The following DTD1 variants were observed in gnomAD, a reference collection of about 807,000 sequenced individuals.
The protein encoded by DTD1 is D-tyrosyl-tRNA deacylase 1 homolog.
In DTD1, 13 loss-of-function variants were observed where a neutral mutation model predicts 25.6. That is an observed-to-expected ratio of 0.51 (90% CI 0.33 to 0.81). The LOEUF (loss-of-function observed/expected upper bound fraction) is 0.81. DTD1 is among the 30% of genes least tolerant of loss of function. DTD1 has a pLI of 0.02. For missense variants in DTD1, 193 were observed against 266.4 expected, an observed-to-expected ratio of 0.72 and a Z score of 1.92; for synonymous variants, 110 against 103.6, an observed-to-expected ratio of 1.06 and a Z score of -0.37.
intron 4 of DTD1, among the ~76,000 whole-genome samples, chr20:18,702,285 T>C (rs1355201987): frequency 6.6e-6 from 1 of 152,168 alleles, no homozygotes; most frequent in Non-Finnish European, 1.5e-5. Flanking sequence ...CCCCCTTCCC[T>C]CCATCTCTGT....
At chr20:18,712,189 G>C (rs2061161911) in intron 4 of DTD1, among the ~76,000 whole-genome samples, 3 of 152,124 alleles carry the variant, frequency 2.0e-5, no homozygotes, top group Non-Finnish European at 2.9e-5. Context: ...TGTTACCAGT[G>C]TTTCATCTTT....
At chr20:18,698,923 C>G (rs1405794576) in intron 4 of DTD1, among the ~76,000 whole-genome samples, 1 of 152,172 alleles carries the variant, frequency 6.6e-6, no homozygotes, top group Non-Finnish European at 1.5e-5. Context: ...TACCTCATCT[C>G]CTCTTGGTTA....
intron 5 of DTD1, among the ~76,000 whole-genome samples, chr20:18,758,416 T>A (rs1242917745): frequency 6.6e-6 from 1 of 152,234 alleles, no homozygotes; most frequent in Non-Finnish European, 1.5e-5. Flanking sequence ...TTTAGTGGTA[T>A]AAATTTCCCT....
intron 3 of DTD1, among the ~76,000 whole-genome samples, chr20:18,612,697 C>T (rs753599539): frequency 3.3e-5 from 5 of 151,840 alleles, no homozygotes; most frequent in African/African-American, 9.7e-5. Context: ...CTCACTCTGT[C>T]GCCCAGGCTG....
intron 4 of DTD1, among the ~76,000 whole-genome samples, chr20:18,675,784 ATG>A (rs377418388): frequency 0.018 from 1,759 of 99,062 alleles, 10 homozygotes; most frequent in Non-Finnish European, 0.025. Context: ...ACACATATAT[ATG>A]TGTAAATATA....
At chr20:18,632,914 G>A (rs1000885680) in intron 4 of DTD1, among the ~76,000 whole-genome samples, 17 of 152,100 alleles carry the variant, frequency 1.1e-4, no homozygotes, top group African/African-American at 3.6e-4. Context: ...ATGTATGTAA[G>A]CACCAAGTGT....
intron 3 of DTD1, among the ~76,000 whole-genome samples, chr20:18,606,399 A>G (rs1446657239): frequency 2.2e-5 from 3 of 137,396 alleles, no homozygotes; most frequent in African/African-American, 5.5e-5. Flanking sequence ...AACTAGAAAT[A>G]CCATTTGACC....
intron 4 of DTD1, among the ~76,000 whole-genome samples, chr20:18,689,554 G>C (rs1600370310): frequency 1.3e-5 from 2 of 152,240 alleles, no homozygotes; most frequent in South Asian, 4.1e-4. Flanking sequence ...AGGTTTATTT[G>C]GACAGTGGCA....
intron 1 of DTD1, among the ~76,000 whole-genome samples, chr20:18,589,465 C>G (rs1308039946): frequency 6.6e-6 from 1 of 152,136 alleles, no homozygotes; most frequent in Non-Finnish European, 1.5e-5. Context: ...ATCTAAGAGT[C>G]TATTTTTCAA....
rs2061372063 is a variant in DTD1, at chr20:18,763,799, C to A, written c.*459C>A. 6.6e-6 allele frequency: 1 copy of A among 152,158 alleles called. No homozygotes were observed. The highest frequency in any genetic ancestry group is 1.5e-5 in the Non-Finnish European group (1 of 68,016). 9.4% of individuals were successfully genotyped at this position (152,158 alleles called of 1,614,324 possible). A position where few individuals can be genotyped will look rare whatever the true frequency, so the allele number is the denominator to read the frequency against. On this transcript the variant is annotated 3_prime_UTR_variant, in exon 6 of 6. Transcript: ENST00000377452. ...GGCCCGTGTTGAAGTGTCAAGAGAG[C>A]AATCATCAATGATAATGTATTGTGT...
At chr20:18,672,888 G>A (rs965279996) in intron 4 of DTD1, among the ~76,000 whole-genome samples, 1 of 152,182 alleles carries the variant, frequency 6.6e-6, no homozygotes, top group African/African-American at 2.4e-5. Context: ...GACAGGTGCT[G>A]TTCAGTTCAT....
intron 4 of DTD1, among the ~76,000 whole-genome samples, chr20:18,737,565 G>A (rs1447375824): frequency 3.3e-5 from 5 of 152,198 alleles, no homozygotes; most frequent in Admixed American, 3.3e-4. Context: ...GCCCGGGTCA[G>A]ACTCTGCTCC....
intron 4 of DTD1, among the ~76,000 whole-genome samples, chr20:18,666,100 A>G (rs2060930454): frequency 6.6e-6 from 1 of 152,160 alleles, no homozygotes. Flanking sequence ...GTTGTCAGTG[A>G]CAGTTTCTCA....
At chr20:18,741,214 A>G (rs1409313372) in intron 4 of DTD1, among the ~76,000 whole-genome samples, 1 of 152,218 alleles carries the variant, frequency 6.6e-6, no homozygotes. Flanking sequence ...GTATATGTGT[A>G]TGCACACTCA....
At chr20:18,742,526 A>C (rs1446927920) in intron 4 of DTD1, among the ~76,000 whole-genome samples, 1 of 152,100 alleles carries the variant, frequency 6.6e-6, no homozygotes, top group Non-Finnish European at 1.5e-5. Context: ...TAGGAGCGGG[A>C]ACCCCATTGT....
intron 5 of DTD1, 149 bp from the exon 6 acceptor site, chr20:18,763,211 A>C (rs2061369568): frequency 6.6e-6 from 1 of 152,608 alleles, no homozygotes; most frequent in Non-Finnish European, 1.5e-5. Flanking sequence ...CAGGTTTTTC[A>C]GTGAAGTGAT....
In DTD1 at chr20:18,741,343, C is replaced by T. The variant is rs995596397; in HGVS notation, c.478-2757C>T. On this transcript the variant is annotated intron_variant, in intron 4 of 5. Coordinates refer to ENST00000377452, the MANE Select transcript of DTD1 (RefSeq NM_080820.6). Reference sequence around the variant, plus strand: ...AGTTGAGAAGAAATCTCTCACAATACTTTGCTGATGAAGGAAGCTATGTAC... The same window carrying T: ...AGTTGAGAAGAAATCTCTCACAATATTTTGCTGATGAAGGAAGCTATGTAC... Among the ~76,000 whole-genome samples the T allele has an allele frequency of 1.2e-4, 19 of 152,208 alleles. 1 individual carries two copies.
intron 4 of DTD1, among the ~76,000 whole-genome samples, chr20:18,679,700 T>C (rs960250743): frequency 9.2e-5 from 14 of 152,196 alleles, no homozygotes; most frequent in African/African-American, 3.4e-4. Context: ...TGGAAATAAG[T>C]AACCAAATTC....
At position 18,749,259 on chromosome 20, in the gene DTD1, G is replaced by GGCA. The variant is rs533218352; in HGVS notation, c.*19+4991_*19+4993dup. On this transcript the variant is annotated intron_variant, in intron 5 of 5. Coordinates refer to ENST00000377452, the MANE Select transcript of DTD1 (RefSeq NM_080820.6). This position sits in a 1 kb window ranked among gnomAD's most constrained non-coding sequence, Gnocchi z 4.2. ...TGCAGGTGGCTCCAGGGCTCCAGGA[G>GGCA]GCAGCTGCAGCCCAGTGAGGTAGCA... Among the ~76,000 whole-genome samples the GGCA allele has an allele frequency of 2.9e-3, 436 of 152,322 alleles. 2 individuals carry two copies. The highest frequency in any genetic ancestry group is 9.8e-3 in the African/African-American group (406 of 41,578).
Sources: allele counts gnomAD v4.1 joint callset (sites outside exome capture counted in the v4.1 genomes callset), GRCh38; gene constraint gnomAD v4.1.1; non-coding constraint Gnocchi (gnomAD v3.1); transcripts MANE v1.5; gene names NCBI Gene and HGNC (gene_info 2026-07-23, HGNC 2026-07-21).